TUSC3: variants seen among roughly 807,000 people sequenced by gnomAD.
The protein encoded by TUSC3 is dolichyl-diphosphooligosaccharide--protein glycosyltransferase subunit TUSC3.
A neutral mutation model predicts 44.8 loss-of-function variants in TUSC3; 45 were observed. The observed-to-expected ratio is 1.00, with a 90% CI of 0.79 to 1.29. The LOEUF (loss-of-function observed/expected upper bound fraction) is 1.29. TUSC3 is among the 50% of genes most tolerant of loss of function. TUSC3 has a pLI of 0.00. For missense variants in TUSC3, 519 were observed against 437.9 expected (o/e 1.19, Z -1.65); for synonymous variants, 212 against 152.9 (o/e 1.39, Z -2.85).
At chr8:15,654,738 A>G (rs1807078427) in intron 3 of TUSC3, among the ~76,000 whole-genome samples, 1 of 152,250 alleles carries the variant, frequency 6.6e-6, no homozygotes, top group Admixed American at 6.5e-5. Flanking sequence ...TTGAGGTTGC[A>G]GTGAGCCGAG....
chr8:15,472,405 T>A (rs1800506782), intron 1 of TUSC3, among the ~76,000 whole-genome samples: 1 of 152,222 alleles, frequency 6.6e-6, no homozygotes. Flanking sequence ...TATAATTAGA[T>A]AATTTATGCC....
intron 6 of TUSC3, among the ~76,000 whole-genome samples, chr8:15,692,371 C>CCCT (rs1563175839): frequency 1.1e-3 from 21 of 18,808 alleles, no homozygotes; most frequent in South Asian, 3.6e-3. Context: ...CCCCCCCCCC[C>CCCT]TTTGTTTTTT....
intron 2 of TUSC3, among the ~76,000 whole-genome samples, chr8:15,527,431 G>T (rs1040790750): frequency 6.6e-6 from 1 of 152,100 alleles, no homozygotes; most frequent in Non-Finnish European, 1.5e-5. Context: ...TGTCCAGGCT[G>T]GTCTCAAACT....
At chr8:15,761,948 A>G (rs531328570) in intron 10 of TUSC3, among the ~76,000 whole-genome samples, 2 of 152,140 alleles carry the variant, frequency 1.3e-5, no homozygotes, top group East Asian at 3.9e-4. Flanking sequence ...AAAAGGGAAA[A>G]AAATACGTGT....
At chr8:15,632,765 A>T (rs1805830673) in intron 2 of TUSC3, among the ~76,000 whole-genome samples, 1 of 152,158 alleles carries the variant, frequency 6.6e-6, no homozygotes. Flanking sequence ...TGAGTATTCC[A>T]ACTCAAAGAT....
chr8:15,673,744 C>A lies in TUSC3; in HGVS notation c.709-3C>A. On this transcript the variant is annotated splice_polypyrimidine_tract_variant and splice_region_variant and intron_variant, in intron 5 of 10. Transcript: ENST00000503731. ...TATTGAAACACTGCACCCTGTTTTT[C>A]AGTGTATAGTCTTTGCTATGACTTC... The A allele has an allele frequency of 6.2e-7, 1 of 1,611,722 alleles. No homozygotes were observed. The highest frequency in any genetic ancestry group is 8.5e-7 in the Non-Finnish European group (1 of 1,178,238).
chr8:15,721,697 A>G (rs900531561), intron 6 of TUSC3, among the ~76,000 whole-genome samples: 6 of 152,118 alleles, frequency 3.9e-5, no homozygotes, highest in Non-Finnish European at 7.4e-5. Flanking sequence ...TTTGTTACTG[A>G]ACAAAATGAA....
chr8:15,683,929 A>G (rs1251829229), intron 6 of TUSC3, among the ~76,000 whole-genome samples: 1 of 152,112 alleles, frequency 6.6e-6, no homozygotes, highest in East Asian at 1.9e-4. Context: ...GGTTGTAAAT[A>G]GGTTCCTGTG....
chr8:15,805,379 T>C, the TUSC3 span, among the ~76,000 whole-genome samples: 1 of 152,090 alleles, frequency 6.6e-6, no homozygotes, highest in East Asian at 1.9e-4. Context: ...TGAATAAAAG[T>C]GGTTGAGAGT....
intron 6 of TUSC3, 37 bp downstream of exon 6, chr8:15,673,873 T>G (rs1489477526): frequency 6.6e-7 from 1 of 1,512,486 alleles, no homozygotes; most frequent in African/African-American, 1.4e-5. Context: ...TTCTGAAGTT[T>G]AATCCAGCTT....
At chr8:15,495,746 T>C (rs968654711) in intron 2 of TUSC3, among the ~76,000 whole-genome samples, 7 of 152,180 alleles carry the variant, frequency 4.6e-5, no homozygotes, top group Non-Finnish European at 1.0e-4. Context: ...GTGGGCTCCA[T>C]GTCCAAAAAC....
chr8:15,790,666 G>C, the TUSC3 span, among the ~76,000 whole-genome samples: 1 of 152,116 alleles, frequency 6.6e-6, no homozygotes, highest in African/African-American at 2.4e-5. Context: ...TACCTAGAAG[G>C]GTAGAGGTAC....
At chr8:15,825,227 T>C in the TUSC3 span, among the ~76,000 whole-genome samples, 1 of 152,126 alleles carries the variant, frequency 6.6e-6, no homozygotes, top group Non-Finnish European at 1.5e-5. Context: ...TTAGTTCTCA[T>C]GCTGCTGATA....
At chr8:15,505,157 T>A (rs1801035992) in intron 2 of TUSC3, among the ~76,000 whole-genome samples, 1 of 152,204 alleles carries the variant, frequency 6.6e-6, no homozygotes, top group Non-Finnish European at 1.5e-5. Flanking sequence ...ATATGAGAAC[T>A]GGCTTTACTT....
the TUSC3 span, among the ~76,000 whole-genome samples, chr8:15,836,910 T>G: frequency 6.6e-6 from 1 of 152,186 alleles, no homozygotes; most frequent in Admixed American, 6.5e-5. Flanking sequence ...TGTAAAGGTT[T>G]ATAAGATATG....
At chr8:15,736,048 T>C (rs190997577) in intron 7 of TUSC3, among the ~76,000 whole-genome samples, 131 of 152,190 alleles carry the variant, frequency 8.6e-4, no homozygotes, top group Non-Finnish European at 1.4e-3. Flanking sequence ...AGTTATTCTA[T>C]CGTATTTTTG....
rs111537248 is a variant in TUSC3 at position 15,569,536 on chromosome 8, G to A, written c.138+28968G>A. Among the ~76,000 whole-genome samples the A allele has an allele frequency of 4.0e-3, 604 of 152,220 alleles. 4 individuals are homozygous for A. The highest frequency in any genetic ancestry group is 0.013 in the African/African-American group (538 of 41,536). Reference sequence around the variant, plus strand: ...AGATAATAGCTTATGGCCAGAAGGAGCCAGGTATTTAGAAGGAGCGTGAGT... The same window carrying A: ...AGATAATAGCTTATGGCCAGAAGGAACCAGGTATTTAGAAGGAGCGTGAGT... On this transcript the variant is annotated intron_variant, in intron 1 of 10. Transcript: ENST00000503731.
the TUSC3 span, among the ~76,000 whole-genome samples, chr8:15,813,406 A>G: frequency 6.7e-6 from 1 of 148,318 alleles, no homozygotes; most frequent in African/African-American, 2.5e-5. Flanking sequence ...AAAAACAGGC[A>G]CACCTGTCTC....
chr8:15,819,172 C>T, the TUSC3 span, among the ~76,000 whole-genome samples: 15 of 152,264 alleles, frequency 9.9e-5, no homozygotes, highest in South Asian at 2.1e-4. Context: ...TGGATGTTTA[C>T]GTTTGCATGT....
Sources: gnomAD v4.1 joint callset for allele counts (sites outside exome capture counted in the v4.1 genomes callset) on GRCh38, gnomAD v4.1.1 for gene constraint, MANE v1.5 for transcripts, NCBI Gene and HGNC (gene_info 2026-07-23, HGNC 2026-07-21) for gene names.